The following PCCA variants were observed in gnomAD, a reference collection of about 807,000 sequenced individuals.
PCCA encodes the protein propionyl-CoA carboxylase alpha chain, mitochondrial.
PCCA carries 74 observed loss-of-function variants against 101.3 expected under a neutral mutation model. The observed-to-expected ratio is 0.73, with a 90% CI of 0.61 to 0.89. The LOEUF is 0.89. Ranked by LOEUF, PCCA falls within the 40% of genes least tolerant of loss-of-function variation. PCCA has a pLI of 0.00. For missense variants in PCCA, 891 were observed against 907.0 expected, an observed-to-expected ratio of 0.98 and a Z score of 0.23; for synonymous variants, 294 against 313.6, an observed-to-expected ratio of 0.94 and a Z score of 0.66.
rs144017707 is a variant in PCCA, at chr13:100,344,403, T to C, written c.1643+4144T>C. Among the ~76,000 whole-genome samples the C allele has an allele frequency of 3.5e-4, 54 of 152,324 alleles. No individual in the cohort carries two copies. The East Asian group carries it at 5.0e-3, about 14-fold the overall frequency. On this transcript the variant is annotated intron_variant, in intron 18 of 23. Coordinates refer to ENST00000376285, the MANE Select transcript of PCCA (RefSeq NM_000282.4). ...CCTTGACAGGCATAATTGTAGCTCC[T>C]AAAGACTTAGCAATATGATATATTC...
chr13:100,348,421 C>A (rs2152769587), intron 18 of PCCA, among the ~76,000 whole-genome samples: 1 of 152,260 alleles, frequency 6.6e-6, no homozygotes, highest in South Asian at 2.1e-4. Context: ...TGAGCTCAAT[C>A]TTTTTCTGAC....
intron 19 of PCCA, among the ~76,000 whole-genome samples, chr13:100,399,176 A>C (rs917235694): frequency 6.6e-6 from 1 of 152,176 alleles, no homozygotes; most frequent in Non-Finnish European, 1.5e-5. Flanking sequence ...ATCTAAAAAT[A>C]TGACTAGGTA....
chr13:100,241,367 GT>G (rs1566778360), intron 8 of PCCA, among the ~76,000 whole-genome samples: 1 of 152,014 alleles, frequency 6.6e-6, no homozygotes, highest in Non-Finnish European at 1.5e-5. Flanking sequence ...TTTGTGTCTG[GT>G]TTCTTTCACA....
At chr13:100,228,120 A>G (rs564967516) in intron 7 of PCCA, among the ~76,000 whole-genome samples, 15 of 152,046 alleles carry the variant, frequency 9.9e-5, no homozygotes, top group South Asian at 8.3e-4. Context: ...GGTTCAATCA[A>G]TTCCCCTGCC....
chr13:100,348,796 C>T (rs1467678087), intron 18 of PCCA, among the ~76,000 whole-genome samples: 24 of 55,702 alleles, frequency 4.3e-4, no homozygotes, highest in Non-Finnish European at 6.7e-4. Flanking sequence ...TTCTTCCTTC[C>T]TTCCTTCCTT....
intron 6 of PCCA, among the ~76,000 whole-genome samples, chr13:100,181,163 A>G (rs1476409317): frequency 6.6e-6 from 1 of 152,238 alleles, no homozygotes; most frequent in Non-Finnish European, 1.5e-5. Context: ...AGAGAATGGC[A>G]GAGAAATCCA....
intron 6 of PCCA, among the ~76,000 whole-genome samples, chr13:100,193,133 G>T (rs137940958): frequency 6.6e-6 from 1 of 152,162 alleles, no homozygotes; most frequent in Non-Finnish European, 1.5e-5. Flanking sequence ...GAGGCCACTT[G>T]CACCTGTTTA....
At chr13:100,262,604 C>T (rs1173615057) in intron 9 of PCCA, 125 bp from the exon 10 acceptor site, 7 of 673,212 alleles carry the variant, frequency 1.0e-5, no homozygotes, top group East Asian at 5.1e-5. Flanking sequence ...AATATTTAAT[C>T]GATTGTGTTT....
intron 12 of PCCA, among the ~76,000 whole-genome samples, chr13:100,281,380 A>C (rs1453320444): frequency 6.6e-6 from 1 of 152,364 alleles, no homozygotes; most frequent in Non-Finnish European, 1.5e-5. Flanking sequence ...TGGAAAAGAC[A>C]TTAAATGTGT....
chr13:100,188,314 C>G (rs2057463410), intron 6 of PCCA, among the ~76,000 whole-genome samples: 1 of 146,834 alleles, frequency 6.8e-6, no homozygotes, highest in Non-Finnish European at 1.5e-5. Flanking sequence ...CAAAACAAAA[C>G]AAAACAAAAC....
chr13:100,419,522 C>G (rs950620623), intron 19 of PCCA, among the ~76,000 whole-genome samples: 1 of 151,112 alleles, frequency 6.6e-6, no homozygotes, highest in Non-Finnish European at 1.5e-5. Context: ...TGTGATTTTT[C>G]ACAATACAGT....
intron 21 of PCCA, among the ~76,000 whole-genome samples, chr13:100,506,102 C>G (rs2152991905): frequency 6.6e-6 from 1 of 152,260 alleles, no homozygotes; most frequent in Middle Eastern, 3.4e-3. Context: ...GTTGGGATGT[C>G]ACAGTCGGGC....
At chr13:100,435,860 A>G (rs184755512) in intron 20 of PCCA, among the ~76,000 whole-genome samples, 9 of 152,218 alleles carry the variant, frequency 5.9e-5, no homozygotes, top group African/African-American at 1.9e-4. Flanking sequence ...TCTGGCCAAC[A>G]TCGTGAAACC....
chr13:100,143,390 C>T (rs1036940899), intron 4 of PCCA, among the ~76,000 whole-genome samples: 1 of 151,652 alleles, frequency 6.6e-6, no homozygotes, highest in East Asian at 1.9e-4. Context: ...AAAAAATTAG[C>T]TAGCTGTGGT....
intron 12 of PCCA, among the ~76,000 whole-genome samples, chr13:100,290,835 G>T (rs1455415695): frequency 6.6e-6 from 1 of 152,074 alleles, no homozygotes; most frequent in African/African-American, 2.4e-5. Context: ...ACTAATTCAG[G>T]TTGCAACAGT....
chr13:100,111,178 CTTTT>C (rs965293674), intron 2 of PCCA, among the ~76,000 whole-genome samples: 111 of 98,516 alleles, frequency 1.1e-3, no homozygotes, highest in Middle Eastern at 6.9e-3. Flanking sequence ...GACCCAGCTC[CTTTT>C]TTTTTTTTTT....
intron 18 of PCCA, among the ~76,000 whole-genome samples, chr13:100,340,492 A>C (rs1395019501): frequency 3.3e-5 from 5 of 152,246 alleles, no homozygotes; most frequent in Admixed American, 3.3e-4. Context: ...TAATTTGGAC[A>C]TAAGAAGATA....
intron 21 of PCCA, among the ~76,000 whole-genome samples, chr13:100,508,482 C>T (rs1447875919): frequency 6.6e-6 from 1 of 152,154 alleles, no homozygotes; most frequent in Non-Finnish European, 1.5e-5. Flanking sequence ...TAAATGGCAG[C>T]GGACGAGTGT....
At chr13:100,098,730 T>C (rs1244908735) in intron 1 of PCCA, among the ~76,000 whole-genome samples, 1 of 152,196 alleles carries the variant, frequency 6.6e-6, no homozygotes, top group Admixed American at 6.5e-5. Flanking sequence ...AGTTTCCTGG[T>C]GCTTGAGCTT....
Sources: allele counts gnomAD v4.1 joint callset (sites outside exome capture counted in the v4.1 genomes callset), GRCh38; gene constraint gnomAD v4.1.1; transcripts MANE v1.5; gene names NCBI Gene and HGNC (gene_info 2026-07-23, HGNC 2026-07-21).